SLC10A7: variants seen among roughly 807,000 people sequenced by gnomAD.
SLC10A7 encodes sodium/bile acid cotransporter 7.
In SLC10A7, 29 loss-of-function variants were observed where a neutral mutation model predicts 43.2. The observed-to-expected ratio is 0.67, with a 90% CI of 0.50 to 0.92. The LOEUF (loss-of-function observed/expected upper bound fraction) is 0.92. SLC10A7 is among the 40% of genes least tolerant of loss of function. The pLI, the probability that SLC10A7 is intolerant of heterozygous loss-of-function variation, is 0.00. For missense variants in SLC10A7, 295 were observed against 403.2 expected, an observed-to-expected ratio of 0.73 and a Z score of 2.30; for synonymous variants, 152 against 144.8, an observed-to-expected ratio of 1.05 and a Z score of -0.35.
chr4:146,368,011 A>T (rs1328486483), intron 5 of SLC10A7, among the ~76,000 whole-genome samples: 1 of 152,128 alleles, frequency 6.6e-6, no homozygotes, highest in Non-Finnish European at 1.5e-5. Flanking sequence ...AGTCCTAAAA[A>T]CTTTCCTTAA....
rs542484453 is a variant in SLC10A7 at position 146,414,984 on chromosome 4, G to A, written c.435+27799C>T. On this transcript the variant is annotated intron_variant, in intron 5 of 11. Transcript: ENST00000335472. ...AGAAAAAAATTAAGCAATTTCCAAA[G>A]AGAAGGATAGCTTAATAATTCAATG... Among the ~76,000 whole-genome samples, 23 of 152,220 alleles carry A rather than the reference G, an allele frequency of 1.5e-4. No individual in the cohort carries two copies. The East Asian group carries it at 4.4e-3, about 29-fold the overall frequency.
intron 2 of SLC10A7, among the ~76,000 whole-genome samples, chr4:146,513,216 AG>A (rs373674794): frequency 6.6e-6 from 1 of 152,142 alleles, no homozygotes; most frequent in African/African-American, 2.4e-5. Context: ...TGTTCATAAA[AG>A]TAAGTAACGT....
intron 4 of SLC10A7, among the ~76,000 whole-genome samples, chr4:146,490,874 A>C (rs1735333668): frequency 6.6e-6 from 1 of 152,224 alleles, no homozygotes; most frequent in Admixed American, 6.5e-5. Context: ...CCAGGAGGAA[A>C]CTGGATCATT....
chr4:146,442,881 C>A (rs981790899), intron 4 of SLC10A7, 60 bp from the exon 5 acceptor site: 14 of 1,151,040 alleles, frequency 1.2e-5, no homozygotes, highest in South Asian at 1.0e-4. Flanking sequence ...ATAATAAAGC[C>A]AAAGATTATC....
chr4:146,480,135 A>G (rs1343727716), intron 4 of SLC10A7, among the ~76,000 whole-genome samples: 3 of 152,152 alleles, frequency 2.0e-5, no homozygotes, highest in African/African-American at 4.8e-5. Flanking sequence ...CAAAACAACT[A>G]GATTTTTTAT....
chr4:146,286,498 G>GAGAAGGACTGAGTTTGGAGTGGTA (rs1729961513), intron 9 of SLC10A7, among the ~76,000 whole-genome samples: 1 of 151,918 alleles, frequency 6.6e-6, no homozygotes, highest in African/African-American at 2.4e-5. Flanking sequence ...TTGGAGTGGT[G>GAGAAGGACTGAGTTTGGAGTGGTA]AGAAGGACTG....
chr4:146,464,711 C>A (rs1347716691), intron 4 of SLC10A7, among the ~76,000 whole-genome samples: 1 of 151,224 alleles, frequency 6.6e-6, no homozygotes, highest in Non-Finnish European at 1.5e-5. Context: ...GAATCTATGA[C>A]AGTCATTATC....
chr4:146,339,984 C>A (rs1017991450), intron 5 of SLC10A7, among the ~76,000 whole-genome samples: 1 of 151,572 alleles, frequency 6.6e-6, no homozygotes, highest in Non-Finnish European at 1.5e-5. Context: ...CCTTGTCCCC[C>A]ACCCCGACAG....
At chr4:146,432,937 C>T (rs113079574) in intron 5 of SLC10A7, among the ~76,000 whole-genome samples, 32,342 of 150,582 alleles carry the variant, frequency 0.21, 3,578 homozygotes, top group South Asian at 0.33. Context: ...ACTCGGGAGG[C>T]TGAGGCAGGA....
At chr4:146,317,375 C>T (rs936455017) in intron 6 of SLC10A7, among the ~76,000 whole-genome samples, 21 of 152,012 alleles carry the variant, frequency 1.4e-4, no homozygotes, top group African/African-American at 5.1e-4. Flanking sequence ...CAGATAAAGT[C>T]CCTGCTCTCT....
At chr4:146,321,537 G>A (rs746890934) in intron 6 of SLC10A7, among the ~76,000 whole-genome samples, 1 of 152,086 alleles carries the variant, frequency 6.6e-6, no homozygotes, top group East Asian at 1.9e-4. Context: ...TATCCTTTTA[G>A]GGGAAACAAT....
In SLC10A7 at chr4:146,510,975, G is replaced by A. The variant is rs16998684; in HGVS notation, c.184-926C>T. Among the ~76,000 whole-genome samples, 714 of 152,270 alleles carry A rather than the reference G, an allele frequency of 4.7e-3. 4 individuals carry two copies. The highest frequency in any genetic ancestry group is 0.014 in the African/African-American group (586 of 41,558). Reference sequence around the variant, plus strand: ...ATACCAGCTTTATGCCATAATCTGAGCTTGTCACTTTACATGTTATCTCAC... The same window carrying A: ...ATACCAGCTTTATGCCATAATCTGAACTTGTCACTTTACATGTTATCTCAC... On this transcript the variant is annotated intron_variant, in intron 2 of 11. Coordinates refer to ENST00000335472, the MANE Select transcript of SLC10A7 (RefSeq NM_001029998.6).
intron 6 of SLC10A7, among the ~76,000 whole-genome samples, chr4:146,320,229 A>G (rs1302054120): frequency 6.6e-6 from 1 of 152,100 alleles, no homozygotes; most frequent in East Asian, 1.9e-4. Context: ...ATGTTCAGGT[A>G]CATATGCAGG....
At chr4:146,453,341 A>G (rs1731761189) in intron 4 of SLC10A7, among the ~76,000 whole-genome samples, 1 of 151,968 alleles carries the variant, frequency 6.6e-6, no homozygotes. Context: ...ATGAGAACAG[A>G]GCCGGCCGAC....
rs373556771 is a variant in SLC10A7, at chr4:146,355,552, T to G, written c.436-29556A>C. Reference sequence around the variant, plus strand: ...TCCCATTACTGGGTATATACCCAAATGACTATAAATCATGCTGCTATAAAG... The same window carrying G: ...TCCCATTACTGGGTATATACCCAAAGGACTATAAATCATGCTGCTATAAAG... On this transcript the variant is annotated intron_variant, in intron 5 of 11. Coordinates refer to ENST00000335472, the MANE Select transcript of SLC10A7 (RefSeq NM_001029998.6). Among the ~76,000 whole-genome samples the G allele has an allele frequency of 3.0e-3, 455 of 151,474 alleles. 1 individual carries two copies. The highest frequency in any genetic ancestry group is 3.5e-3 in the Non-Finnish European group (234 of 67,786).
intron 4 of SLC10A7, among the ~76,000 whole-genome samples, chr4:146,484,589 T>C (rs1381508667): frequency 6.6e-6 from 1 of 152,136 alleles, no homozygotes; most frequent in Non-Finnish European, 1.5e-5. Flanking sequence ...GGTCAGCAGA[T>C]ACAAAGTAGC....
intron 7 of SLC10A7, among the ~76,000 whole-genome samples, chr4:146,295,211 G>A (rs1169142683): frequency 1.3e-5 from 2 of 152,060 alleles, no homozygotes; most frequent in African/African-American, 4.8e-5. Context: ...CTGTTCTCAG[G>A]GACTCATGAA....
chr4:146,417,630 T>C (rs1355703688), intron 5 of SLC10A7, among the ~76,000 whole-genome samples: 2 of 152,236 alleles, frequency 1.3e-5, no homozygotes, highest in Non-Finnish European at 2.9e-5. Flanking sequence ...CCCAAATGTT[T>C]TCCTTCTGAA....
At chr4:146,508,740 G>GC in intron 3 of SLC10A7, among the ~76,000 whole-genome samples, 1 of 151,990 alleles carries the variant, frequency 6.6e-6, no homozygotes, top group Admixed American at 6.6e-5. Context: ...TTTCTCTCAG[G>GC]CCCCTCTACT....
Sources: gnomAD v4.1 joint callset for allele counts (sites outside exome capture counted in the v4.1 genomes callset) on GRCh38, gnomAD v4.1.1 for gene constraint, MANE v1.5 for transcripts, NCBI Gene and HGNC (gene_info 2026-07-23, HGNC 2026-07-21) for gene names.